FANCB: variants seen among roughly 807,000 people sequenced by gnomAD.
The protein encoded by FANCB is FA complementation group B, also known as Fanconi anemia group B protein.
Under a neutral mutation model 38.9 loss-of-function variants are expected in FANCB, and 5 were observed. The ratio of observed to expected loss-of-function variants is 0.13; its 90% CI spans 0.07 to 0.27. FANCB has a LOEUF of 0.27. Ranked by LOEUF, FANCB falls within the 10% of genes least tolerant of loss-of-function variation. The pLI is 1.00. For missense variants in FANCB, 573 were observed against 602.7 expected, an observed-to-expected ratio of 0.95 and a Z score of 0.52; for synonymous variants, 236 against 215.4, an observed-to-expected ratio of 1.10 and a Z score of -0.84.
the FANCB span, among the ~76,000 whole-genome samples, chrX:14,775,160 G>GTTTTTTTTTTT: frequency 4.0e-4 from 14 of 35,012 alleles, 1 homozygote; most frequent in Non-Finnish European, 6.6e-4. Context: ...TTTCTCTAAT[G>GTTTTTTTTTTT]TTTTTTTTTT....
At chrX:14,854,494 C>T (rs912391444) in intron 5 of FANCB, among the ~76,000 whole-genome samples, 3 of 111,675 alleles carry the variant, frequency 2.7e-5, no homozygotes, top group Non-Finnish European at 5.6e-5. Context: ...TACACCTCAC[C>T]TTCTCTTCCT....
At chrX:14,689,934 C>T in the FANCB span, among the ~76,000 whole-genome samples, 6 of 112,197 alleles carry the variant, frequency 5.3e-5, no homozygotes, top group Non-Finnish European at 1.1e-4. Context: ...ACTTACTAAA[C>T]ACTTAAGCAA....
the FANCB span, among the ~76,000 whole-genome samples, chrX:14,793,508 G>A: frequency 5.4e-5 from 6 of 112,056 alleles, no homozygotes; most frequent in African/African-American, 1.9e-4. Flanking sequence ...CTCTAAATGG[G>A]TGAATTGTAT....
chrX:14,793,991 A>G, the FANCB span, among the ~76,000 whole-genome samples: 1 of 111,609 alleles, frequency 9.0e-6, no homozygotes, highest in South Asian at 3.7e-4. Context: ...AAGATTTCAT[A>G]TGTCCTGCTA....
the FANCB span, among the ~76,000 whole-genome samples, chrX:14,816,910 T>C: frequency 8.9e-6 from 1 of 111,735 alleles, no homozygotes; most frequent in Non-Finnish European, 1.9e-5. Context: ...ACCTTATCTA[T>C]AAAAGGAGAA....
chrX:14,737,314 C>T, the FANCB span, among the ~76,000 whole-genome samples: 15 of 112,161 alleles, frequency 1.3e-4, no homozygotes, highest in Middle Eastern at 9.2e-3. Context: ...AGAGGTAATT[C>T]GTGTTGACTC....
At chrX:14,707,799 T>C in the FANCB span, among the ~76,000 whole-genome samples, 1 of 110,773 alleles carries the variant, frequency 9.0e-6, no homozygotes, top group Non-Finnish European at 1.9e-5. Context: ...GCATGCACTG[T>C]TAGATGACAG....
the FANCB span, among the ~76,000 whole-genome samples, chrX:14,791,752 C>T: frequency 8.9e-6 from 1 of 112,224 alleles, no homozygotes; most frequent in African/African-American, 3.2e-5. Flanking sequence ...AATACAAATG[C>T]AATGGCTAGA....
At chrX:14,832,874 C>T (rs976750270), downstream of FANCB, among the ~76,000 whole-genome samples, 1 of 112,112 alleles carries the variant, frequency 8.9e-6, no homozygotes, top group Non-Finnish European at 1.9e-5. Context: ...ATGCTTTCCA[C>T]TGGTTACAAC....
At chrX:14,855,550 C>T (rs549422316) in intron 5 of FANCB, among the ~76,000 whole-genome samples, 2 of 111,936 alleles carry the variant, frequency 1.8e-5, no homozygotes, top group Non-Finnish European at 3.8e-5. Flanking sequence ...TATTCGGGGT[C>T]ACTAATTTGC....
chrX:14,708,817 T>TCCCAGCTAC, the FANCB span, among the ~76,000 whole-genome samples: 1 of 111,066 alleles, frequency 9.0e-6, no homozygotes, highest in Non-Finnish European at 1.9e-5. Context: ...ATGCCTGTAA[T>TCCCAGCTAC]CCCAGCTACT....
chrX:14,696,243 G>A, the FANCB span, among the ~76,000 whole-genome samples: 5 of 106,390 alleles, frequency 4.7e-5, no homozygotes, highest in Admixed American at 3.1e-4. Flanking sequence ...AGGGAGGGAC[G>A]GAAGTGAAGT....
chrX:14,762,402 C>T, the FANCB span, among the ~76,000 whole-genome samples: 2 of 110,936 alleles, frequency 1.8e-5, no homozygotes, highest in Non-Finnish European at 3.8e-5. Flanking sequence ...ACACCTCGGC[C>T]TCCCACAGTG....
the FANCB span, among the ~76,000 whole-genome samples, chrX:14,733,610 C>T: frequency 9.8e-5 from 11 of 111,749 alleles, 1 homozygote; most frequent in Non-Finnish European, 2.1e-4. Flanking sequence ...TCCTAGGTAT[C>T]TTGTTCTCTT....
chrX:14,768,865 T>G, the FANCB span, among the ~76,000 whole-genome samples: 4 of 111,911 alleles, frequency 3.6e-5, no homozygotes, highest in South Asian at 1.1e-3. Flanking sequence ...GTTTTTAACA[T>G]GAAGGGATGT....
the FANCB span, among the ~76,000 whole-genome samples, chrX:14,782,516 T>C: frequency 6.2e-5 from 7 of 112,194 alleles, no homozygotes; most frequent in Non-Finnish European, 9.4e-5. Flanking sequence ...GCCACAGTGA[T>C]TGGTTCAGGA....
At chrX:14,778,196 G>A in the FANCB span, among the ~76,000 whole-genome samples, 1 of 111,850 alleles carries the variant, frequency 8.9e-6, no homozygotes, top group African/African-American at 3.2e-5. Flanking sequence ...CACAGCTCCT[G>A]GAGATTTCTT....
At chrX:14,864,458 T>C in intron 3 of FANCB, 102 bp downstream of exon 3, 5 of 570,440 alleles carry the variant, frequency 8.8e-6, no homozygotes, top group East Asian at 3.4e-5. Context: ...GAACTGAAAA[T>C]TGACTTAGAC....
In FANCB at chrX:14,844,676, T is replaced by A. The variant is rs2147389619; in HGVS notation, c.1992A>T (p.Ser664=). Residue 664 remains serine (S), a synonymous_variant, in exon 9 of 10, where the codon TCA becomes TCT. Coordinates refer to ENST00000650831, the MANE Select transcript of FANCB (RefSeq NM_001018113.3). ...TCATTGAATTCAGGGCATAGCCGGG[T>A]GATGTGATTTGAAAACAAGATTTAT... ...AFHKSCFQIT[S]PGYALNSMKV... is the part of the protein sequence containing the mutation. 1 of 1,210,608 alleles carries A rather than the reference T, an allele frequency of 8.3e-7. No individual in the cohort carries two copies. Among genetic ancestry groups the A allele is most frequent in the Non-Finnish European group, 1.1e-6 (1 of 894,672 alleles).
Sources: allele counts gnomAD v4.1 joint callset (sites outside exome capture counted in the v4.1 genomes callset), GRCh38; gene constraint gnomAD v4.1.1; transcripts MANE v1.5; gene names NCBI Gene and HGNC (gene_info 2026-07-23, HGNC 2026-07-21).